The following RALGPS1 variants were observed in gnomAD, a reference collection of about 807,000 sequenced individuals.
The protein encoded by RALGPS1 is Ral GEF with PH domain and SH3 binding motif 1.
A neutral mutation model predicts 78.8 loss-of-function variants in RALGPS1; 19 were observed. The observed-to-expected ratio is 0.24, with a 90% CI of 0.17 to 0.35. The LOEUF (loss-of-function observed/expected upper bound fraction) is 0.35, where lower values mean the gene tolerates loss of function less well. Among genes scored for constraint, RALGPS1 ranks in the 10% least tolerant of loss-of-function variants. The pLI, the probability that RALGPS1 is intolerant of heterozygous loss-of-function variation, is 1.00. For synonymous variants in RALGPS1, 228 were observed against 256.3 expected, an observed-to-expected ratio of 0.89 and a Z score of 1.06; for missense variants, 454 against 688.3, an observed-to-expected ratio of 0.66 and a Z score of 3.81.
chr9:127,021,874 C>T (rs764806810), intron 4 of RALGPS1, among the ~76,000 whole-genome samples: 1 of 152,100 alleles, frequency 6.6e-6, no homozygotes, highest in African/African-American at 2.4e-5. Context: ...TTGCAGTTGG[C>T]TGCTGCCCTG....
intron 4 of RALGPS1, among the ~76,000 whole-genome samples, chr9:127,009,256 A>G (rs1232548066): frequency 6.6e-6 from 1 of 152,182 alleles, no homozygotes; most frequent in Non-Finnish European, 1.5e-5. Flanking sequence ...CCTTTAGCTC[A>G]TCCCAGCCTC....
At chr9:126,935,574 C>G (rs2036180647) in intron 1 of RALGPS1, among the ~76,000 whole-genome samples, 1 of 152,220 alleles carries the variant, frequency 6.6e-6, no homozygotes, top group East Asian at 1.9e-4. Context: ...TGATGCATTT[C>G]TGCACAGGGG....
At chr9:127,064,857 C>A (rs1434100512) in intron 7 of RALGPS1, among the ~76,000 whole-genome samples, 1 of 151,496 alleles carries the variant, frequency 6.6e-6, no homozygotes, top group Non-Finnish European at 1.5e-5. Context: ...TTTGTCATTT[C>A]CCTGGATTTA....
At chr9:126,989,835 G>A in intron 4 of RALGPS1, 1 of 1,541,850 alleles carries the variant, frequency 6.5e-7, no homozygotes, top group East Asian at 2.4e-5. Flanking sequence ...TCAGGCTGGA[G>A]CTCGAGACCT....
At chr9:126,982,359 G>A (rs2041323082) in intron 4 of RALGPS1, among the ~76,000 whole-genome samples, 1 of 152,174 alleles carries the variant, frequency 6.6e-6, no homozygotes. Flanking sequence ...ATGTGACCTT[G>A]GGTAAGTCAC....
intron 11 of RALGPS1, chr9:127,178,098 A>C (rs1461102510): frequency 2.5e-6 from 3 of 1,195,594 alleles, no homozygotes; most frequent in South Asian, 1.4e-5. Flanking sequence ...AAGTGTTACC[A>C]ATCCCAGGGA....
intron 1 of RALGPS1, among the ~76,000 whole-genome samples, chr9:126,959,493 A>G (rs1427375219): frequency 6.6e-6 from 1 of 152,060 alleles, no homozygotes; most frequent in African/African-American, 2.4e-5. Flanking sequence ...TGACTATCAA[A>G]TGAGACTTCT....
At chr9:127,044,828 C>CT (rs926398013) in intron 5 of RALGPS1, among the ~76,000 whole-genome samples, 15 of 152,174 alleles carry the variant, frequency 9.9e-5, no homozygotes, top group African/African-American at 3.4e-4. Context: ...AAAAGCCAGT[C>CT]TTGAAAGGTT....
intron 8 of RALGPS1, among the ~76,000 whole-genome samples, chr9:127,157,253 C>T (rs893568682): frequency 3.3e-5 from 5 of 152,018 alleles, no homozygotes; most frequent in Admixed American, 3.3e-4. Flanking sequence ...GACATCCTTG[C>T]AATGTTGTGT....
chr9:127,009,198 G>A (rs944554505), intron 4 of RALGPS1, among the ~76,000 whole-genome samples: 4 of 152,186 alleles, frequency 2.6e-5, no homozygotes, highest in Non-Finnish European at 5.9e-5. Flanking sequence ...AGGCACTATA[G>A]GCATCCCTGT....
intron 8 of RALGPS1, among the ~76,000 whole-genome samples, chr9:127,129,797 C>T (rs918192609): frequency 3.3e-5 from 5 of 152,226 alleles, no homozygotes; most frequent in African/African-American, 7.2e-5. Context: ...ACTACCCCAC[C>T]GCCTTCTCTC....
chr9:126,964,652 T>G (rs1753078), intron 2 of RALGPS1, among the ~76,000 whole-genome samples: 3,558 of 114,556 alleles, frequency 0.031, 47 homozygotes, highest in Middle Eastern at 0.068. Context: ...GTATACTGCT[T>G]CTTAAGATCA....
intron 1 of RALGPS1, chr9:126,915,408 C>CG (rs1359216618): frequency 2.1e-4 from 7 of 33,620 alleles, no homozygotes; most frequent in African/African-American, 1.1e-3. Context: ...GTGCGGGGGG[C>CG]GGGGCCCGGG....
rs58292881 is a variant in RALGPS1 at position 126,930,004 on chromosome 9, A to T, written c.-66+15029A>T. 6.2e-3 allele frequency among the ~76,000 whole-genome samples: 949 copies of T among 151,884 alleles called. 7 individuals carry two copies. Among genetic ancestry groups the T allele is most frequent in the African/African-American group, 0.021 (888 of 41,430 alleles). ...TGCGCCACCACTCCTGGCTTAAAAA[A>T]TTTTTTGTTTAGAGATGGGGTCTTG... On this transcript the variant is annotated intron_variant, in intron 1 of 18. Coordinates refer to ENST00000259351, the MANE Select transcript of RALGPS1 (RefSeq NM_014636.3).
At chr9:126,915,861 G>A (rs2034106408) in intron 1 of RALGPS1, among the ~76,000 whole-genome samples, 1 of 151,984 alleles carries the variant, frequency 6.6e-6, no homozygotes, top group South Asian at 2.1e-4. Flanking sequence ...CTTGGGAGGG[G>A]TCCTGGCTTG....
intron 3 of RALGPS1, among the ~76,000 whole-genome samples, chr9:126,974,016 A>G (rs1379558469): frequency 2.0e-5 from 3 of 152,000 alleles, no homozygotes; most frequent in Non-Finnish European, 4.4e-5. Flanking sequence ...GGGATTACAG[A>G]CATGCACCAC....
intron 14 of RALGPS1, among the ~76,000 whole-genome samples, chr9:127,208,092 G>GTAGT (rs1402813617): frequency 3.9e-5 from 6 of 152,188 alleles, no homozygotes; most frequent in Admixed American, 3.9e-4. Context: ...GTGAAAGCAT[G>GTAGT]TAGTTGGCAC....
chr9:126,960,879 C>T (rs2038843517), intron 1 of RALGPS1, among the ~76,000 whole-genome samples: 1 of 152,196 alleles, frequency 6.6e-6, no homozygotes, highest in African/African-American at 2.4e-5. Flanking sequence ...ATCTCATCCT[C>T]AGCTGGTACT....
chr9:126,958,142 A>AAAAAAATATATATAT (rs113413659), intron 1 of RALGPS1, among the ~76,000 whole-genome samples: 156 of 76,922 alleles, frequency 2.0e-3, no homozygotes, highest in Non-Finnish European at 3.1e-3. Flanking sequence ...AAAAAAAAAA[A>AAAAAAATATATATAT]ATATATATAT....
Sources: gnomAD v4.1 joint callset for allele counts (sites outside exome capture counted in the v4.1 genomes callset) on GRCh38, gnomAD v4.1.1 for gene constraint, MANE v1.5 for transcripts, NCBI Gene and HGNC (gene_info 2026-07-23, HGNC 2026-07-21) for gene names.